Variants in UGT2B15 observed in about 807,000 individuals in gnomAD.
UGT2B15 encodes UDP glucuronosyltransferase family 2 member B15, also known as UDP-glucuronosyltransferase 2B15.
A neutral mutation model predicts 45.9 loss-of-function variants in UGT2B15; 36 were observed. That is an observed-to-expected ratio of 0.78 (90% CI 0.60 to 1.04). The LOEUF (loss-of-function observed/expected upper bound fraction) is 1.04. UGT2B15 is among the 50% of genes least tolerant of loss of function. The pLI, the probability that UGT2B15 is intolerant of heterozygous loss-of-function variation, is 0.00. For synonymous variants in UGT2B15, 219 were observed against 216.4 expected, an observed-to-expected ratio of 1.01 and a Z score of -0.11; for missense variants, 617 against 622.4, an observed-to-expected ratio of 0.99 and a Z score of 0.09.
intron 2 of UGT2B15, among the ~76,000 whole-genome samples, chr4:68,664,741 GT>G (rs1733070456): frequency 4.0e-5 from 6 of 151,842 alleles, no homozygotes; most frequent in African/African-American, 9.7e-5. Context: ...TAATTTTTCT[GT>G]TTTTAGTAGA....
At chr4:68,667,151 T>C (rs1177200084) in intron 2 of UGT2B15, among the ~76,000 whole-genome samples, 2 of 147,794 alleles carry the variant, frequency 1.4e-5, no homozygotes, top group Non-Finnish European at 3.0e-5. Flanking sequence ...AGCCTTTACT[T>C]TTTTTTTTTT....
rs1732491723 is a variant in UGT2B15, at chr4:68,646,954, TC to T, written c.*149del. The T allele has an allele frequency of 8.3e-7, 1 of 1,206,142 alleles. No homozygotes were observed. Among genetic ancestry groups the T allele is most frequent in the South Asian group, 1.6e-5 (1 of 63,882 alleles). The allele number at this position is 1,206,142 out of a possible 1,614,324, so 74.7% of individuals were successfully genotyped here. A position where few individuals can be genotyped will look rare whatever the true frequency, so the allele number is the denominator to read the frequency against. Reference sequence around the variant, plus strand: ...TAATTCAGCTAAAGTACGTATTAAATCCCTGGAAAATAAATTTTGTCTTAAC... The same window carrying T: ...TAATTCAGCTAAAGTACGTATTAAATCCTGGAAAATAAATTTTGTCTTAAC... On this transcript the variant is annotated 3_prime_UTR_variant, in exon 6 of 6. Coordinates refer to ENST00000338206, the MANE Select transcript of UGT2B15 (RefSeq NM_001076.4).
chr4:68,647,319 G>A lies in UGT2B15; in HGVS notation c.1378C>T (p.Arg460Ter), dbSNP rs141755404. 108 of 1,613,812 alleles carry A rather than the reference G, an allele frequency of 6.7e-5. 1 individual carries two copies. Among genetic ancestry groups the A allele is most frequent in the Middle Eastern group, 6.6e-4 (4 of 6,054 alleles). ...ACAAACTCAATCCAGAAGACTGCTC[G>A]ATCCAGGGGCTTCATTGGTTGGTCA... ...HHDQPMKPLD[R>*]AVFWIEFVMR... The change falls in exon 6 of 6, where the codon CGA becomes TGA. Residue 460 changes from arginine to a stop codon, truncating the protein, a stop_gained. Transcript: ENST00000338206. LOFTEE classifies it low-confidence loss of function (END_TRUNC).
At position 68,670,355 on chromosome 4, in the gene UGT2B15, A is replaced by C. The variant is rs1421219842; in HGVS notation, c.264T>G (p.Asp88Glu). Residue 88 changes from aspartate to glutamate, a missense_variant, in exon 1 of 6, where the codon GAT (aspartate) becomes GAG (glutamate). Physicochemically the swap from Asp to Glu is conservative, Grantham distance 45. Around this residue, in one of 3 missense-constraint regions of UGT2B15, gnomAD observed 351 missense variants for 342.1 expected, o/e 1.03. Coordinates refer to ENST00000338206, the MANE Select transcript of UGT2B15 (RefSeq NM_001076.4). ...PTSLTKNYLE[D>E]SLLKILDRWI... ...ATCTATCGAGAATTTTCAGAAGAGAATCTTCCAAATAATTTTTAGTTAAAG... is the reference window on the plus strand; with the variant it reads ...ATCTATCGAGAATTTTCAGAAGAGACTCTTCCAAATAATTTTTAGTTAAAG... 1.2e-6 allele frequency: 2 copies of C among 1,613,320 alleles called. No homozygotes were observed. Among genetic ancestry groups the C allele is most frequent in the Admixed American group, 3.3e-5 (2 of 59,738 alleles).
At chr4:68,669,468 A>C (rs1049729504) in intron 1 of UGT2B15, among the ~76,000 whole-genome samples, 1 of 152,152 alleles carries the variant, frequency 6.6e-6, no homozygotes, top group African/African-American at 2.4e-5. Flanking sequence ...TAAATGAGGA[A>C]ACTGAGGAAC....
In UGT2B15 at chr4:68,646,714, A is replaced by C. The variant is rs574337166; in HGVS notation, c.*390T>G. On this transcript the variant is annotated 3_prime_UTR_variant, in exon 6 of 6. Transcript: ENST00000338206. ...ATGTTCACATTTTCCTTCCTGGTTT[A>C]AAAAAAAGAGTTGTATTTTTTTTTT... is the stretch of plus-strand genomic sequence containing the variant. 6.7e-6 allele frequency: 1 copy of C among 149,510 alleles called. No homozygotes were observed. Among genetic ancestry groups the C allele is most frequent in the Middle Eastern group, 3.3e-3 (1 of 304 alleles). The allele number at this position is 149,510 out of a possible 1,614,324, so 9.3% of individuals were successfully genotyped here. A position where few individuals can be genotyped will look rare whatever the true frequency, so the allele number is the denominator to read the frequency against.
rs140081410 is a variant in UGT2B15 at position 68,648,310 on chromosome 4, C to T, written c.1314-927G>A. Among the ~76,000 whole-genome samples the T allele has an allele frequency of 5.8e-3, 878 of 152,186 alleles. 11 individuals carry two copies. Among genetic ancestry groups the T allele is most frequent in the African/African-American group, 0.02 (818 of 41,508 alleles). On this transcript the variant is annotated intron_variant, in intron 5 of 5. Transcript: ENST00000338206. Reference sequence around the variant, plus strand: ...TACACTTTCTTCTAGAGACAATGGCCTTCGGTTTTTCTCTAAACTCCTGAA... The same window carrying T: ...TACACTTTCTTCTAGAGACAATGGCTTTCGGTTTTTCTCTAAACTCCTGAA...
Position 68,670,036 on chromosome 4 carries a change from C to T in UGT2B15, c.583G>A (p.Val195Ile), listed in dbSNP as rs143136322. 876 of 1,614,010 alleles carry T rather than the reference C, an allele frequency of 5.4e-4. 1 individual carries two copies. The highest frequency in any genetic ancestry group is 7.0e-4 in the Non-Finnish European group (827 of 1,179,962). The change falls in exon 1 of 6, where the codon GTA (valine) becomes ATA (isoleucine). Residue 195 changes from valine to isoleucine, a missense_variant. By Grantham distance (29) the Val-to-Ile change is conservative (BLOSUM62 3). Transcript: ENST00000338206. ...CTTAATTCTGACATAACAACAGGTA[C>T]ATAGGAAGGAGGGAACAGAAATCCT... The part of the protein sequence containing the change: ...GGGFLFPPSY[V>I]PVVMSELSDQ...
At chr4:68,655,784 C>A (rs747594488) in intron 3 of UGT2B15, among the ~76,000 whole-genome samples, 3 of 152,090 alleles carry the variant, frequency 2.0e-5, no homozygotes, top group Admixed American at 1.3e-4. Flanking sequence ...TGTCCCCCCA[C>A]CACCTTGGAC....
At position 68,655,168 on chromosome 4, in the gene UGT2B15, A is replaced by T. The variant is rs1306908715; in HGVS notation, c.1020T>A (p.Phe340Leu). 1.2e-6 allele frequency: 2 copies of T among 1,613,280 alleles called. No individual in the cohort carries two copies. Among genetic ancestry groups the T allele is most frequent in the Non-Finnish European group, 1.7e-6 (2 of 1,179,598 alleles). The change falls in exon 4 of 6, where the codon TTT becomes TTA. Residue 340 changes from phenylalanine to leucine, a missense_variant. Phe to Leu is a conservative substitution (Grantham distance 22). Around this residue, in one of 3 missense-constraint regions of UGT2B15, gnomAD observed 265 missense variants for 245.1 expected, o/e 1.08. Transcript: ENST00000338206. Reference sequence around the variant, plus strand: ...CTAAAGTATTTGGCTTCTTGCCATCAAATCTCCATAGAACCTGTTAGGGCA... The same window carrying T: ...CTAAAGTATTTGGCTTCTTGCCATCTAATCTCCATAGAACCTGTTAGGGCA... ...AQIPQKVLWR[F>L]DGKKPNTLGS...
At position 68,647,163 on chromosome 4, in the gene UGT2B15, A is replaced by T. The variant is rs1330192476; in HGVS notation, c.1534T>A (p.Phe512Ile). 1 of 1,613,910 alleles carries T rather than the reference A, an allele frequency of 6.2e-7. No homozygotes were observed. The highest frequency in any genetic ancestry group is 2.2e-5 in the East Asian group (1 of 44,880). The change falls in exon 6 of 6, where the codon TTT becomes ATT. Residue 512 changes from phenylalanine (F) to isoleucine (I), a missense_variant. Coordinates refer to ENST00000338206, the MANE Select transcript of UGT2B15 (RefSeq NM_001076.4). ...AGCTTTCGGAAACAAAACAGGCAAAATTTTGTGATGATAAATATCACAGTT... is the reference window on the plus strand; with the variant it reads ...AGCTTTCGGAAACAAAACAGGCAAATTTTTGTGATGATAAATATCACAGTT... ...VATVIFIITK[F>I]CLFCFRKLAK...
chr4:68,647,398 T>C lies in UGT2B15; in HGVS notation c.1314-15A>G, dbSNP rs778535964. The C allele has an allele frequency of 1.9e-6, 3 of 1,602,906 alleles. No homozygotes were observed. Among genetic ancestry groups the C allele is most frequent in the Non-Finnish European group, 2.6e-6 (3 of 1,173,622 alleles). ...TCTCTTTATAGCTGAAGGATAAATA[T>C]AAAGATATCAACATTAAAAGTAAAT... On this transcript the variant is annotated splice_polypyrimidine_tract_variant and intron_variant, in intron 5 of 5. Transcript: ENST00000338206.
Position 68,670,475 on chromosome 4 carries a change from C to T in UGT2B15, c.144G>A (p.Gln48=), listed in dbSNP as rs1733278784. The change falls in exon 1 of 6, where the codon CAG becomes CAA. Residue 48 remains glutamine, a synonymous_variant. Coordinates refer to ENST00000338206, the MANE Select transcript of UGT2B15 (RefSeq NM_001076.4). ...NMKTILEELV[Q]RGHEVTVLTS... is the part of the protein sequence containing the mutation. ...TCAACACAGTCACCTCATGACCCCTCTGAACAAGCTCTTCCAGGATTGTCT... is the reference window on the plus strand; with the variant it reads ...TCAACACAGTCACCTCATGACCCCTTTGAACAAGCTCTTCCAGGATTGTCT... 1 of 1,613,946 alleles carries T rather than the reference C, an allele frequency of 6.2e-7. No homozygotes were observed. The highest frequency in any genetic ancestry group is 1.7e-5 in the Admixed American group (1 of 59,974).
In UGT2B15 at chr4:68,670,566, A is replaced by G. The variant is rs563287085; in HGVS notation, c.53T>C (p.Phe18Ser). The G allele has an allele frequency of 1.2e-6, 2 of 1,604,878 alleles. No homozygotes were observed. Among genetic ancestry groups the G allele is most frequent in the South Asian group, 2.3e-5 (2 of 88,816 alleles). ...CACCTTTCCACAGCTTCCAGAGCTA[A>G]AGTAACAACTGAGCTGTATCAGCAG... ...VFLLIQLSCYFSSGSCGKVLV... is the reference protein window; with the variant it reads ...VFLLIQLSCYSSSGSCGKVLV... The change falls in exon 1 of 6, where the codon TTT becomes TCT. Residue 18 changes from phenylalanine to serine, a missense_variant. This residue lies in a region of UGT2B15 where 351 missense variants were observed against 342.1 expected (regional missense o/e 1.03). Transcript: ENST00000338206.
At chr4:68,665,465 A>C (rs1312905678) in intron 2 of UGT2B15, among the ~76,000 whole-genome samples, 2 of 152,046 alleles carry the variant, frequency 1.3e-5, no homozygotes, top group Non-Finnish European at 2.9e-5. Flanking sequence ...AGATATTTGA[A>C]TTATTTCCAG....
At position 68,651,785 on chromosome 4, in the gene UGT2B15, C is replaced by T. The variant is rs150760085; in HGVS notation, c.1313+2252G>A. 5.8e-3 allele frequency among the ~76,000 whole-genome samples: 879 copies of T among 151,982 alleles called. 12 individuals are homozygous for T. The highest frequency in any genetic ancestry group is 0.02 in the African/African-American group (819 of 41,454). On this transcript the variant is annotated intron_variant, in intron 5 of 5. Transcript: ENST00000338206. ...GTTTTGGTTATGTAGCCTTGTAGTACAGTTTGAAGTCAGGTAGCATGATGC... is the reference window on the plus strand; with the variant it reads ...GTTTTGGTTATGTAGCCTTGTAGTATAGTTTGAAGTCAGGTAGCATGATGC...
chr4:68,656,666 C>G (rs1468567721), intron 3 of UGT2B15, among the ~76,000 whole-genome samples: 1 of 152,100 alleles, frequency 6.6e-6, no homozygotes. Context: ...TTGCCTTTTG[C>G]CATTTGCAGT....
At chr4:68,665,520 C>T (rs1194421784) in intron 2 of UGT2B15, among the ~76,000 whole-genome samples, 2 of 152,122 alleles carry the variant, frequency 1.3e-5, no homozygotes, top group Non-Finnish European at 2.9e-5. Flanking sequence ...ATCTTACCAT[C>T]ATGATTTATT....
At position 68,654,094 on chromosome 4, in the gene UGT2B15, C is replaced by T. The variant is rs141591798; in HGVS notation, c.1256G>A (p.Arg419Lys). Residue 419 changes from arginine to lysine, a missense_variant, in exon 5 of 6, where the codon AGG becomes AAG. Physicochemically the swap from Arg to Lys is conservative, Grantham distance 26. Around this residue, in one of 3 missense-constraint regions of UGT2B15, gnomAD observed 265 missense variants for 245.1 expected, o/e 1.08. Transcript: ENST00000338206. ...AKGAALSVDIRTMSSRDLLNA... is the reference protein window; with the variant it reads ...AKGAALSVDIKTMSSRDLLNA... ...GAGCAAATCTCTACTTGACATGGTCCTGATGTCCACACTGAGGGCTGCTCC... is the reference window on the plus strand; with the variant it reads ...GAGCAAATCTCTACTTGACATGGTCTTGATGTCCACACTGAGGGCTGCTCC... 2.0e-4 allele frequency: 321 copies of T among 1,613,602 alleles called. 3 individuals are homozygous for T. The Middle Eastern group carries it at 4.5e-3, about 22-fold the overall frequency.
Sources: allele counts gnomAD v4.1 joint callset (sites outside exome capture counted in the v4.1 genomes callset), GRCh38; gene constraint gnomAD v4.1.1; regional missense constraint gnomAD v4.1.1; transcripts MANE v1.5; gene names NCBI Gene and HGNC (gene_info 2026-07-23, HGNC 2026-07-21).